CNTNAP2: variants seen among roughly 807,000 people sequenced by gnomAD.
CNTNAP2 encodes the protein contactin-associated protein-like 2.
A neutral mutation model predicts 155.2 loss-of-function variants in CNTNAP2; 98 were observed. That is an observed-to-expected ratio of 0.63 (90% CI 0.54 to 0.75). CNTNAP2 has a LOEUF of 0.75. CNTNAP2 is among the 30% of genes least tolerant of loss of function. The pLI is 0.00. For synonymous variants in CNTNAP2, 651 were observed against 631.2 expected (o/e 1.03, Z -0.47); for missense variants, 1,727 against 1,688.1 (o/e 1.02, Z -0.40).
At chr7:146,442,531 A>G (rs1796335019) in intron 1 of CNTNAP2, among the ~76,000 whole-genome samples, 1 of 152,040 alleles carries the variant, frequency 6.6e-6, no homozygotes, top group Non-Finnish European at 1.5e-5. Flanking sequence ...TTTTTACCTC[A>G]TCAAAAAAAC....
intron 8 of CNTNAP2, among the ~76,000 whole-genome samples, chr7:147,141,901 A>G (rs909285209): frequency 1.3e-5 from 2 of 152,166 alleles, no homozygotes; most frequent in East Asian, 3.9e-4. Context: ...AGATAATTCA[A>G]TAGTTTCCCA....
intron 2 of CNTNAP2, among the ~76,000 whole-genome samples, chr7:146,834,644 C>T (rs1199494273): frequency 6.6e-6 from 1 of 152,146 alleles, no homozygotes; most frequent in African/African-American, 2.4e-5. Flanking sequence ...TTCAACAATA[C>T]ACTAGTTATT....
intron 9 of CNTNAP2, among the ~76,000 whole-genome samples, chr7:147,360,152 C>T (rs1296839742): frequency 3.3e-5 from 5 of 152,090 alleles, no homozygotes; most frequent in Non-Finnish European, 7.4e-5. Flanking sequence ...TGCATGGCTT[C>T]AAGCTTTGAC....
intron 20 of CNTNAP2, among the ~76,000 whole-genome samples, chr7:148,265,065 A>G (rs1204101143): frequency 6.6e-6 from 1 of 152,224 alleles, no homozygotes; most frequent in Non-Finnish European, 1.5e-5. Flanking sequence ...CAGGTAGGCT[A>G]TTGGTTAACA....
intron 13 of CNTNAP2, among the ~76,000 whole-genome samples, chr7:147,854,756 T>C (rs2116675417): frequency 6.6e-6 from 1 of 152,336 alleles, no homozygotes; most frequent in East Asian, 1.9e-4. Flanking sequence ...AATTCACTAT[T>C]GGAAGACTTT....
intron 1 of CNTNAP2, among the ~76,000 whole-genome samples, chr7:146,648,736 C>A (rs1421470156): frequency 3.9e-5 from 6 of 151,986 alleles, no homozygotes; most frequent in African/African-American, 7.2e-5. Flanking sequence ...TAAGACCTGA[C>A]ATAGCAAAAA....
intron 1 of CNTNAP2, among the ~76,000 whole-genome samples, chr7:146,225,508 A>G (rs2116904198): frequency 6.6e-6 from 1 of 152,320 alleles, no homozygotes; most frequent in East Asian, 1.9e-4. Context: ...TAGATTCATG[A>G]GACTCAGCAT....
At chr7:147,726,720 T>C (rs1252264832) in intron 13 of CNTNAP2, among the ~76,000 whole-genome samples, 1 of 152,044 alleles carries the variant, frequency 6.6e-6, no homozygotes, top group Non-Finnish European at 1.5e-5. Flanking sequence ...TACAACTAAA[T>C]ACATGATTTA....
At chr7:148,111,856 A>G (rs1804360587) in intron 15 of CNTNAP2, among the ~76,000 whole-genome samples, 1 of 152,242 alleles carries the variant, frequency 6.6e-6, no homozygotes, top group African/African-American at 2.4e-5. Context: ...GTTAACCTCG[A>G]GTATCTCTTT....
intron 10 of CNTNAP2, among the ~76,000 whole-genome samples, chr7:147,405,530 T>C (rs1257174707): frequency 6.6e-6 from 1 of 152,194 alleles, no homozygotes; most frequent in Non-Finnish European, 1.5e-5. Flanking sequence ...TCATTTGCTA[T>C]ATGCTCCCTA....
intron 13 of CNTNAP2, among the ~76,000 whole-genome samples, chr7:147,865,305 G>C (rs1272666519): frequency 2.0e-5 from 3 of 152,160 alleles, no homozygotes; most frequent in Non-Finnish European, 2.9e-5. Context: ...TAAGCTTTTT[G>C]ATATGCTGCT....
At chr7:147,457,390 C>T (rs1480024788) in intron 10 of CNTNAP2, among the ~76,000 whole-genome samples, 3 of 152,118 alleles carry the variant, frequency 2.0e-5, no homozygotes, top group Non-Finnish European at 2.9e-5. Flanking sequence ...CTTCTTCCGC[C>T]ATATCCTACA....
rs577601162 is a variant in CNTNAP2 at position 148,328,814 on chromosome 7, A to G, written c.3476-54835A>G. Among the ~76,000 whole-genome samples the G allele has an allele frequency of 1.6e-4, 24 of 151,824 alleles. No homozygotes were observed. In the East Asian group the frequency reaches 3.1e-3, roughly 20 times the overall value. On this transcript the variant is annotated intron_variant, in intron 21 of 23. Transcript: ENST00000361727. The stretch of plus-strand genomic sequence containing the variant: ...GAAATGGTGAAACCCCATCTCTACT[A>G]AAAATACAAAAATTAGCCGGGCATG...
At chr7:146,939,155 C>T (rs201295699) in intron 3 of CNTNAP2, among the ~76,000 whole-genome samples, 2 of 152,072 alleles carry the variant, frequency 1.3e-5, no homozygotes, top group East Asian at 1.9e-4. Context: ...TAAATCTACC[C>T]CCAAATGAGA....
At chr7:147,695,733 C>T (rs771091155) in intron 13 of CNTNAP2, among the ~76,000 whole-genome samples, 19 of 152,130 alleles carry the variant, frequency 1.2e-4, no homozygotes, top group African/African-American at 1.7e-4. Flanking sequence ...ACCCGGGAGG[C>T]GAAGGTTGCA....
chr7:146,431,892 C>T (rs566062535), intron 1 of CNTNAP2, among the ~76,000 whole-genome samples: 8 of 152,134 alleles, frequency 5.3e-5, no homozygotes, highest in African/African-American at 1.2e-4. Context: ...AAATAGCTTT[C>T]GTATGATCTG....
chr7:147,477,012 G>T (rs1798335334), intron 10 of CNTNAP2, among the ~76,000 whole-genome samples: 1 of 150,424 alleles, frequency 6.6e-6, no homozygotes, highest in Non-Finnish European at 1.5e-5. Context: ...ACTCAAACTT[G>T]ATACTTAAAA....
At chr7:147,492,023 G>A (rs1451934280) in intron 11 of CNTNAP2, among the ~76,000 whole-genome samples, 1 of 152,134 alleles carries the variant, frequency 6.6e-6, no homozygotes, top group Non-Finnish European at 1.5e-5. Context: ...AGTAACAATA[G>A]CAAAGGAAGT....
intron 13 of CNTNAP2, among the ~76,000 whole-genome samples, chr7:147,900,548 C>A (rs1799850256): frequency 6.6e-6 from 1 of 152,118 alleles, no homozygotes; most frequent in Admixed American, 6.6e-5. Context: ...TGGTTAAAGA[C>A]CCAGTCTTGG....
Sources: gnomAD v4.1 joint callset for allele counts (sites outside exome capture counted in the v4.1 genomes callset) on GRCh38, gnomAD v4.1.1 for gene constraint, MANE v1.5 for transcripts, NCBI Gene and HGNC (gene_info 2026-07-23, HGNC 2026-07-21) for gene names.